The following ATE1 variants were observed in gnomAD, a reference collection of about 807,000 sequenced individuals.
ATE1 encodes arginyl-tRNA--protein transferase 1.
A neutral mutation model predicts 70.5 loss-of-function variants in ATE1; 36 were observed. That is an observed-to-expected ratio of 0.51 (90% CI 0.39 to 0.67). The LOEUF is 0.67. ATE1 is among the 30% of genes least tolerant of loss of function. ATE1 has a pLI of 0.00. For synonymous variants in ATE1, 232 were observed against 219.3 expected, an observed-to-expected ratio of 1.06 and a Z score of -0.51; for missense variants, 593 against 629.5, an observed-to-expected ratio of 0.94 and a Z score of 0.62.
At chr10:121,902,718 C>T (rs1413191202) in intron 5 of ATE1, 98 bp from the exon 6 acceptor site, 1 of 1,213,640 alleles carries the variant, frequency 8.2e-7, no homozygotes, top group East Asian at 2.5e-5. Context: ...CAAAGAGTTT[C>T]AATGGTTAGG....
intron 10 of ATE1, among the ~76,000 whole-genome samples, chr10:121,822,854 A>T (rs969698189): frequency 1.2e-4 from 18 of 152,200 alleles, no homozygotes; most frequent in Non-Finnish European, 1.8e-4. Context: ...CAAATGGACA[A>T]GCAGTGATCA....
At chr10:121,903,546 G>A (rs1293457511) in intron 5 of ATE1, among the ~76,000 whole-genome samples, 1 of 152,032 alleles carries the variant, frequency 6.6e-6, no homozygotes, top group East Asian at 1.9e-4. Flanking sequence ...AATCAGCCAG[G>A]TGTGGTAGCA....
rs778204758 is a variant in ATE1 at position 121,743,668 on chromosome 10, G to C, written c.*12C>G. On this transcript the variant is annotated 3_prime_UTR_variant, in exon 12 of 12. Transcript: ENST00000224652. ...AGCACAACACAGGAACTTCCCGGCA[G>C]AGGTGAACAGGTCAGTTTCTGAACA... 6.3e-7 allele frequency: 1 copy of C among 1,597,568 alleles called. No individual in the cohort carries two copies. The highest frequency in any genetic ancestry group is 2.2e-5 in the East Asian group (1 of 44,670).
intron 10 of ATE1, among the ~76,000 whole-genome samples, chr10:121,815,246 C>T (rs1428268476): frequency 6.6e-6 from 1 of 152,220 alleles, no homozygotes; most frequent in Admixed American, 6.5e-5. Context: ...CGCCATTCTC[C>T]TGCCTCAGCC....
intron 7 of ATE1, among the ~76,000 whole-genome samples, chr10:121,873,552 T>C (rs547907309): frequency 5.8e-4 from 88 of 152,272 alleles, no homozygotes; most frequent in African/African-American, 2.0e-3. Context: ...AAATTGTAGT[T>C]AGACCTCCTA....
chr10:121,837,771 C>T (rs1263402878), intron 9 of ATE1, among the ~76,000 whole-genome samples: 3 of 152,090 alleles, frequency 2.0e-5, no homozygotes, highest in Admixed American at 6.6e-5. Flanking sequence ...TAGCCTATAA[C>T]AGAATAAATC....
chr10:121,878,730 G>A (rs1001788447), intron 7 of ATE1, among the ~76,000 whole-genome samples: 1 of 152,048 alleles, frequency 6.6e-6, no homozygotes. Flanking sequence ...TCCACCTGGG[G>A]ATTTTTCCTA....
At chr10:121,847,319 G>A (rs1307772603) in intron 8 of ATE1, among the ~76,000 whole-genome samples, 1 of 152,040 alleles carries the variant, frequency 6.6e-6, no homozygotes, top group Non-Finnish European at 1.5e-5. Flanking sequence ...ATGGTGGTGG[G>A]TACCTGTAAT....
At chr10:121,761,012 A>G (rs1288127562) in intron 11 of ATE1, among the ~76,000 whole-genome samples, 1 of 152,132 alleles carries the variant, frequency 6.6e-6, no homozygotes, top group Non-Finnish European at 1.5e-5. Flanking sequence ...AATGACCTGG[A>G]GCAGGGGAGG....
chr10:121,881,863 G>C (rs181411190), intron 7 of ATE1, among the ~76,000 whole-genome samples: 1 of 151,960 alleles, frequency 6.6e-6, no homozygotes, highest in Non-Finnish European at 1.5e-5. Context: ...GCACGACCTC[G>C]GCTCACTGCA....
Position 121,902,470 on chromosome 10 carries a change from T to C in ATE1, c.734A>G (p.Lys245Arg), listed in dbSNP as rs1224700705. 2 of 1,614,198 alleles carry C rather than the reference T, an allele frequency of 1.2e-6. No homozygotes were observed. The highest frequency in any genetic ancestry group is 2.2e-5 in the East Asian group (1 of 44,882). ...TGATTTTGGCTGGTTGGATTTAGCC[T>C]TTGGTGGAAACAAAGATGGTGGGTG... is the stretch of plus-strand genomic sequence containing the variant. ...QGHPPSLFPP[K>R]AKSNQPKSLE... The change falls in exon 6 of 12, where the codon AAG becomes AGG. Residue 245 changes from lysine (K) to arginine (R), a missense_variant. By Grantham distance (26) the Lys-to-Arg change is conservative. Transcript: ENST00000224652.
At chr10:121,799,899 C>T (rs1322620177) in intron 10 of ATE1, among the ~76,000 whole-genome samples, 1 of 152,068 alleles carries the variant, frequency 6.6e-6, no homozygotes, top group Non-Finnish European at 1.5e-5. Flanking sequence ...CTATTATTTA[C>T]ATTATAATGG....
At chr10:121,838,842 T>A (rs1948525470) in intron 9 of ATE1, among the ~76,000 whole-genome samples, 1 of 152,040 alleles carries the variant, frequency 6.6e-6, no homozygotes, top group Admixed American at 6.6e-5. Flanking sequence ...AGAGGCTGAT[T>A]ACAAAAATGA....
intron 3 of ATE1, among the ~76,000 whole-genome samples, chr10:121,915,193 C>T (rs1177935615): frequency 1.3e-5 from 2 of 152,120 alleles, no homozygotes; most frequent in Admixed American, 6.5e-5. Flanking sequence ...TAAGCCACTA[C>T]ATCCATAAAA....
chr10:121,906,292 C>G (rs1164360727), intron 5 of ATE1, among the ~76,000 whole-genome samples: 2 of 152,100 alleles, frequency 1.3e-5, no homozygotes, highest in Non-Finnish European at 2.9e-5. Context: ...CTTTGGGAGG[C>G]TGAGGCAGGC....
intron 10 of ATE1, among the ~76,000 whole-genome samples, chr10:121,835,207 T>C (rs919555346): frequency 6.6e-6 from 1 of 152,136 alleles, no homozygotes; most frequent in Non-Finnish European, 1.5e-5. Flanking sequence ...GTTATCTCCC[T>C]ACAATGTACA....
chr10:121,928,102 T>C, upstream of ATE1: 2 of 1,218,868 alleles, frequency 1.6e-6, no homozygotes. Context: ...CGGCGCCTCT[T>C]GGAGCTGACG....
chr10:121,862,841 G>A lies in ATE1; in HGVS notation c.975+7165C>T, dbSNP rs116924772. Among the ~76,000 whole-genome samples the A allele has an allele frequency of 5.3e-3, 802 of 152,202 alleles. 7 individuals carry two copies. Among genetic ancestry groups the A allele is most frequent in the Non-Finnish European group, 7.7e-3 (527 of 68,012 alleles). ...TCATTGGCATAAGACACTCCTACCA[G>A]TGCCATGACAGTTTACAAAGACCAT... On this transcript the variant is annotated intron_variant, in intron 8 of 11. Coordinates refer to ENST00000224652, the MANE Select transcript of ATE1 (RefSeq NM_001001976.3).
At chr10:121,769,654 G>A (rs886420050) in intron 11 of ATE1, among the ~76,000 whole-genome samples, 2 of 152,122 alleles carry the variant, frequency 1.3e-5, no homozygotes, top group African/African-American at 4.8e-5. Context: ...ATAACAATTC[G>A]CAAAACTCAG....
Sources: allele counts gnomAD v4.1 joint callset (sites outside exome capture counted in the v4.1 genomes callset), GRCh38; gene constraint gnomAD v4.1.1; transcripts MANE v1.5; gene names NCBI Gene and HGNC (gene_info 2026-07-23, HGNC 2026-07-21).